Variants in KCTD16 observed in about 807,000 individuals in gnomAD.
The protein encoded by KCTD16 is BTB/POZ domain-containing protein KCTD16.
KCTD16 carries 13 observed loss-of-function variants against 33.2 expected under a neutral mutation model. The observed-to-expected ratio is 0.39, with a 90% CI of 0.25 to 0.62. KCTD16 has a LOEUF of 0.62. KCTD16 is among the 20% of genes least tolerant of loss of function. KCTD16 has a pLI of 0.50. For synonymous variants in KCTD16, 197 were observed against 195.3 expected (o/e 1.01, Z -0.07); for missense variants, 441 against 525.1 (o/e 0.84, Z 1.57).
At chr5:144,282,176 C>T (rs1224293337) in intron 3 of KCTD16, among the ~76,000 whole-genome samples, 1 of 152,158 alleles carries the variant, frequency 6.6e-6, no homozygotes, top group Non-Finnish European at 1.5e-5. Flanking sequence ...TAGAAAGGAT[C>T]TGAAGGTTGA....
In KCTD16 at chr5:144,358,653, G is replaced by T. The variant is rs531249150; in HGVS notation, c.833-115007G>T. On this transcript the variant is annotated intron_variant, in intron 3 of 3. Transcript: ENST00000512467. ...CTACCAAACCACAATGCCACAAACT[G>T]GGGGCTTATAAATGCATAAATTAAT... Among the ~76,000 whole-genome samples, 101 of 152,112 alleles carry T rather than the reference G, an allele frequency of 6.6e-4. 1 individual carries two copies. Among genetic ancestry groups the T allele is most frequent in the African/African-American group, 2.3e-3 (96 of 41,414 alleles).
chr5:144,362,638 AATTG>A (rs1751739652), intron 3 of KCTD16, among the ~76,000 whole-genome samples: 3 of 152,264 alleles, frequency 2.0e-5, no homozygotes, highest in Non-Finnish European at 4.4e-5. Context: ...GGGTTATTTA[AATTG>A]ATTGAAGAAA....
chr5:144,433,380 C>T (rs1426786425), intron 3 of KCTD16, among the ~76,000 whole-genome samples: 2 of 151,976 alleles, frequency 1.3e-5, no homozygotes, highest in Admixed American at 1.3e-4. Context: ...GAGGCCCAGC[C>T]GTTACTCCCC....
intron 3 of KCTD16, among the ~76,000 whole-genome samples, chr5:144,210,464 G>A (rs1753349621): frequency 6.6e-6 from 1 of 152,124 alleles, no homozygotes; most frequent in Non-Finnish European, 1.5e-5. Flanking sequence ...GCCTTACAAA[G>A]TATTTTAGAC....
At chr5:144,261,876 G>A (rs1410777369) in intron 3 of KCTD16, among the ~76,000 whole-genome samples, 1 of 152,070 alleles carries the variant, frequency 6.6e-6, no homozygotes, top group East Asian at 1.9e-4. Context: ...AGCTGAATGA[G>A]GACAATGACT....
intron 3 of KCTD16, among the ~76,000 whole-genome samples, chr5:144,468,606 G>A (rs1262046420): frequency 6.6e-6 from 1 of 152,188 alleles, no homozygotes; most frequent in Non-Finnish European, 1.5e-5. Context: ...TTCAAGGTTA[G>A]CAGAATTATA....
chr5:144,420,013 A>G (rs1753173399), intron 3 of KCTD16, among the ~76,000 whole-genome samples: 1 of 152,136 alleles, frequency 6.6e-6, no homozygotes, highest in African/African-American at 2.4e-5. Context: ...ATGGGCTTAT[A>G]TTCATTTATT....
At chr5:144,287,875 C>T (rs1344167287) in intron 3 of KCTD16, among the ~76,000 whole-genome samples, 1 of 152,088 alleles carries the variant, frequency 6.6e-6, no homozygotes, top group African/African-American at 2.4e-5. Context: ...ACCTCGTGAT[C>T]CCCCTGCCTC....
intron 2 of KCTD16, among the ~76,000 whole-genome samples, chr5:144,179,525 G>A (rs1290070053): frequency 6.6e-6 from 1 of 152,206 alleles, no homozygotes; most frequent in Non-Finnish European, 1.5e-5. Flanking sequence ...AGTCTCATCT[G>A]TCCAGTGTTG....
At chr5:144,223,557 A>G (rs1481240414) in intron 3 of KCTD16, among the ~76,000 whole-genome samples, 1 of 152,046 alleles carries the variant, frequency 6.6e-6, no homozygotes, top group Non-Finnish European at 1.5e-5. Flanking sequence ...TGGTGTGTAG[A>G]TCCTAGGTCC....
chr5:144,360,535 G>A (rs1033928948), intron 3 of KCTD16, among the ~76,000 whole-genome samples: 3 of 151,710 alleles, frequency 2.0e-5, no homozygotes, highest in South Asian at 2.1e-4. Context: ...GGGTTCAAGC[G>A]ATTCTTCTGC....
chr5:144,451,572 A>G (rs1580975440), intron 3 of KCTD16, among the ~76,000 whole-genome samples: 1 of 152,194 alleles, frequency 6.6e-6, no homozygotes, highest in East Asian at 1.9e-4. Flanking sequence ...ATCAAAGTTT[A>G]ATCACGAATT....
chr5:144,433,908 C>T (rs1753521593), intron 3 of KCTD16, among the ~76,000 whole-genome samples: 1 of 152,112 alleles, frequency 6.6e-6, no homozygotes, highest in East Asian at 1.9e-4. Context: ...ATAATGCATT[C>T]TGTGAGGCAG....
chr5:144,340,230 G>A (rs965719069), intron 3 of KCTD16, among the ~76,000 whole-genome samples: 6 of 151,740 alleles, frequency 4.0e-5, no homozygotes, highest in East Asian at 1.9e-4. Flanking sequence ...GTGAAACCCC[G>A]TCTCTACTAA....
At chr5:144,342,476 C>T (rs1752672584) in intron 3 of KCTD16, among the ~76,000 whole-genome samples, 1 of 152,160 alleles carries the variant, frequency 6.6e-6, no homozygotes, top group African/African-American at 2.4e-5. Flanking sequence ...AGATTTTGGG[C>T]TGAGACAATG....
chr5:144,357,617 A>C (rs1186800064), intron 3 of KCTD16, among the ~76,000 whole-genome samples: 6 of 152,240 alleles, frequency 3.9e-5, no homozygotes, highest in African/African-American at 1.4e-4. Context: ...AGCTCAGTGG[A>C]TGGTGCAATA....
intron 3 of KCTD16, among the ~76,000 whole-genome samples, chr5:144,382,275 G>A (rs758622066): frequency 6.6e-6 from 1 of 151,946 alleles, no homozygotes; most frequent in Non-Finnish European, 1.5e-5. Flanking sequence ...GAGGGTGAAG[G>A]TACTCTTTAG....
chr5:144,415,633 C>G (rs183228222), intron 3 of KCTD16, among the ~76,000 whole-genome samples: 85 of 152,298 alleles, frequency 5.6e-4, no homozygotes, highest in Non-Finnish European at 9.9e-4. Context: ...CATGGACAAA[C>G]AGTTGACTTT....
At chr5:144,236,337 A>G (rs1754252936) in intron 3 of KCTD16, among the ~76,000 whole-genome samples, 1 of 152,086 alleles carries the variant, frequency 6.6e-6, no homozygotes, top group South Asian at 2.1e-4. Context: ...TGGCCTGATA[A>G]GTTGGGGTCT....
Sources: allele counts gnomAD v4.1 joint callset (sites outside exome capture counted in the v4.1 genomes callset), GRCh38; gene constraint gnomAD v4.1.1; transcripts MANE v1.5; gene names NCBI Gene and HGNC (gene_info 2026-07-23, HGNC 2026-07-21).